The following GRM8 variants were observed in gnomAD, a reference collection of about 807,000 sequenced individuals.
The protein encoded by GRM8 is metabotropic glutamate receptor 8.
Under a neutral mutation model 87.2 loss-of-function variants are expected in GRM8, and 47 were observed. The ratio of observed to expected loss-of-function variants is 0.54; its 90% CI spans 0.43 to 0.69. The LOEUF (loss-of-function observed/expected upper bound fraction) is 0.69, where lower values mean the gene tolerates loss of function less well. GRM8 is among the 30% of genes least tolerant of loss of function. The probability of loss-of-function intolerance (pLI) is 0.00; values close to 1 mark genes in which losing one functional copy is unlikely to be tolerated. For missense variants in GRM8, 1,019 were observed against 1,139.2 expected, an observed-to-expected ratio of 0.89 and a Z score of 1.52; for synonymous variants, 396 against 404.5, an observed-to-expected ratio of 0.98 and a Z score of 0.25.
At chr7:127,043,547 T>C (rs867424548) in intron 3 of GRM8, among the ~76,000 whole-genome samples, 3 of 152,032 alleles carry the variant, frequency 2.0e-5, no homozygotes, top group African/African-American at 7.2e-5. Context: ...TTCTCACTCA[T>C]AGGTGGGAAC....
At chr7:126,597,160 C>T (rs1009286802) in intron 8 of GRM8, among the ~76,000 whole-genome samples, 3 of 152,018 alleles carry the variant, frequency 2.0e-5, no homozygotes, top group Non-Finnish European at 2.9e-5. Flanking sequence ...TAACATACTA[C>T]GGGGAGTTTA....
intron 9 of GRM8, among the ~76,000 whole-genome samples, chr7:126,522,302 G>T (rs1813104174): frequency 6.6e-6 from 1 of 151,988 alleles, no homozygotes; most frequent in Non-Finnish European, 1.5e-5. Context: ...CAACAAACTT[G>T]TTATTTTATT....
chr7:126,588,083 T>C (rs747651607), intron 8 of GRM8, among the ~76,000 whole-genome samples: 8 of 152,200 alleles, frequency 5.3e-5, no homozygotes, highest in Admixed American at 1.3e-4. Flanking sequence ...CTAGAACTCA[T>C]ATCTGATTTT....
At chr7:127,030,497 G>GA (rs1817260334) in intron 3 of GRM8, among the ~76,000 whole-genome samples, 1 of 152,046 alleles carries the variant, frequency 6.6e-6, no homozygotes, top group Admixed American at 6.6e-5. Context: ...ACTAACGGGG[G>GA]AATACCGTTG....
rs1554568485 is a variant in GRM8 at position 127,015,064 on chromosome 7, G to GAAGAAGAAGA, written c.727+91431_727+91432insTCTTCTTCTT. Among the ~76,000 whole-genome samples, 179 of 87,880 alleles carry GAAGAAGAAGA rather than the reference G, an allele frequency of 2.0e-3. 5 individuals carry two copies. The highest frequency in any genetic ancestry group is 7.9e-3 in the East Asian group (28 of 3,532). 57.7% of individuals were successfully genotyped at this position (87,880 alleles called of 152,430 possible). A position where few individuals can be genotyped will look rare whatever the true frequency, so the allele number is the denominator to read the frequency against. On this transcript the variant is annotated intron_variant, in intron 3 of 10. Transcript: ENST00000339582. ...AGAAGAAGAAGAAGAAGAAGAAGAA[G>GAAGAAGAAGA]AAGAAAGAAAGAAGGAGAAGAAGGA... is the stretch of plus-strand genomic sequence containing the variant.
intron 9 of GRM8, among the ~76,000 whole-genome samples, chr7:126,467,770 T>C (rs1031510847): frequency 6.6e-6 from 1 of 152,018 alleles, no homozygotes; most frequent in African/African-American, 2.4e-5. Context: ...ATCAAATATG[T>C]TTAAGAATTT....
intron 9 of GRM8, among the ~76,000 whole-genome samples, chr7:126,471,330 C>T (rs906677058): frequency 1.4e-4 from 21 of 152,196 alleles, no homozygotes; most frequent in South Asian, 4.1e-4. Context: ...TTAGGTCTAA[C>T]GTTTAAGTCT....
chr7:127,005,112 C>G (rs1814144265), intron 3 of GRM8, among the ~76,000 whole-genome samples: 1 of 130,346 alleles, frequency 7.7e-6, no homozygotes, highest in African/African-American at 3.3e-5. Flanking sequence ...AACTTTACTG[C>G]TAGGAACTTT....
chr7:126,591,796 A>T (rs1259871502), intron 8 of GRM8, among the ~76,000 whole-genome samples: 1 of 151,766 alleles, frequency 6.6e-6, no homozygotes, highest in Non-Finnish European at 1.5e-5. Context: ...GAAATAAATA[A>T]AATAGATATT....
chr7:126,789,491 C>T (rs1821035733), intron 6 of GRM8, among the ~76,000 whole-genome samples: 1 of 152,156 alleles, frequency 6.6e-6, no homozygotes, highest in Non-Finnish European at 1.5e-5. Context: ...TTGCCTTCAT[C>T]AGTACCAGCA....
intron 7 of GRM8, among the ~76,000 whole-genome samples, chr7:126,714,882 T>A (rs1310841180): frequency 6.6e-6 from 1 of 151,734 alleles, no homozygotes; most frequent in Non-Finnish European, 1.5e-5. Flanking sequence ...AGAGAAAAAA[T>A]GGTATTAAGA....
intron 7 of GRM8, among the ~76,000 whole-genome samples, chr7:126,729,963 G>A (rs1813415321): frequency 6.6e-6 from 1 of 152,100 alleles, no homozygotes. Context: ...TCCAAGCTAA[G>A]ATAATAGAAA....
At chr7:127,232,981 G>A (rs1797778390) in intron 2 of GRM8, among the ~76,000 whole-genome samples, 1 of 152,028 alleles carries the variant, frequency 6.6e-6, no homozygotes, top group African/African-American at 2.4e-5. Context: ...GGGATTACAA[G>A]CACATGCCAC....
At chr7:126,800,103 T>A (rs1344842764) in intron 6 of GRM8, among the ~76,000 whole-genome samples, 1 of 152,098 alleles carries the variant, frequency 6.6e-6, no homozygotes, top group Non-Finnish European at 1.5e-5. Context: ...CAACACAAGC[T>A]CTAACTTTCA....
intron 2 of GRM8, among the ~76,000 whole-genome samples, chr7:127,202,134 C>T (rs1276068550): frequency 6.6e-6 from 1 of 151,890 alleles, no homozygotes; most frequent in African/African-American, 2.4e-5. Flanking sequence ...ATCAGTTCTA[C>T]CTTATATTAT....
intron 3 of GRM8, among the ~76,000 whole-genome samples, chr7:126,952,782 A>G (rs1438011549): frequency 6.6e-6 from 1 of 152,080 alleles, no homozygotes; most frequent in Non-Finnish European, 1.5e-5. Flanking sequence ...ATACTCTTCA[A>G]AAATATAAGG....
intron 2 of GRM8, among the ~76,000 whole-genome samples, chr7:127,126,374 G>A (rs989208005): frequency 6.6e-6 from 1 of 151,872 alleles, no homozygotes; most frequent in African/African-American, 2.4e-5. Flanking sequence ...AAATTACTCA[G>A]AAACAGAAAG....
chr7:126,718,705 A>C lies in GRM8; in HGVS notation c.1357+51160T>G, dbSNP rs1812035810. On this transcript the variant is annotated intron_variant, in intron 7 of 10. Transcript: ENST00000339582. ...ATCAGCTCCATTGTTCATGCTTTCT[A>C]TCTCTTCCATGTCCAGAACGGCCTG... 2.0e-5 allele frequency among the ~76,000 whole-genome samples: 3 copies of C among 152,148 alleles called. No individual in the cohort carries two copies. The South Asian group carries it at 6.2e-4, about 32-fold the overall frequency.
At chr7:126,496,236 G>A (rs958096908) in intron 9 of GRM8, among the ~76,000 whole-genome samples, 6 of 151,902 alleles carry the variant, frequency 3.9e-5, no homozygotes, top group African/African-American at 1.2e-4. Flanking sequence ...AAGGGAGACA[G>A]TGTGGAAGGA....
Sources: allele counts gnomAD v4.1 joint callset (sites outside exome capture counted in the v4.1 genomes callset), GRCh38; gene constraint gnomAD v4.1.1; transcripts MANE v1.5; gene names NCBI Gene and HGNC (gene_info 2026-07-23, HGNC 2026-07-21).